Variants in TPO observed in about 807,000 individuals in gnomAD.
TPO encodes the protein thyroid microsomal antigen.
A neutral mutation model predicts 96.9 loss-of-function variants in TPO; 78 were observed. The ratio of observed to expected loss-of-function variants is 0.81; its 90% confidence interval spans 0.67 to 0.97. The LOEUF (loss-of-function observed/expected upper bound fraction) is 0.97. TPO is among the 50% of genes least tolerant of loss of function. The pLI, the probability that TPO is intolerant of heterozygous loss-of-function variation, is 0.00. For synonymous variants in TPO, 547 were observed against 538.0 expected (o/e 1.02, Z -0.23); for missense variants, 1,252 against 1,274.8 (o/e 0.98, Z 0.27).
intron 15 of TPO, among the ~76,000 whole-genome samples, chr2:1,526,903 T>C (rs1436815423): frequency 6.9e-6 from 1 of 144,152 alleles, no homozygotes; most frequent in African/African-American, 2.6e-5. Flanking sequence ...TCCCCCGGTG[T>C]GTGCAACCTC....
At chr2:1,519,506 A>C (rs1349109087) in intron 15 of TPO, among the ~76,000 whole-genome samples, 1 of 152,244 alleles carries the variant, frequency 6.6e-6, no homozygotes. Context: ...TTGGAAAGAG[A>C]GTACTTTAAC....
chr2:1,508,740 A>G lies in TPO; in HGVS notation c.2518+4661A>G, dbSNP rs1188904390. 5.3e-5 allele frequency among the ~76,000 whole-genome samples: 8 copies of G among 152,096 alleles called. No homozygotes were observed. The East Asian group carries it at 1.5e-3, about 29-fold the overall frequency. The stretch of plus-strand genomic sequence containing the variant: ...TGGGATCAGTGGTGATATCCCCTTT[A>G]TCATTTTTTGTTGCGTCTATTTGAT... On this transcript the variant is annotated intron_variant, in intron 14 of 16. Coordinates refer to ENST00000329066, the MANE Select transcript of TPO (RefSeq NM_001206744.2).
intron 15 of TPO, among the ~76,000 whole-genome samples, chr2:1,537,728 C>G: frequency 7.9e-6 from 1 of 126,542 alleles, no homozygotes; most frequent in East Asian, 2.6e-4. Flanking sequence ...TCCCCAAATC[C>G]CCCAACTGTC....
At chr2:1,536,910 T>TTTGCAAAC (rs1679806376) in intron 15 of TPO, among the ~76,000 whole-genome samples, 1 of 115,148 alleles carries the variant, frequency 8.7e-6, no homozygotes, top group Non-Finnish European at 1.7e-5. Context: ...ATCCCAACTG[T>TTTGCAAAC]TTGCAACCTC....
intron 1 of TPO, among the ~76,000 whole-genome samples, chr2:1,382,629 A>T (rs1424670974): frequency 2.0e-5 from 3 of 152,200 alleles, no homozygotes; most frequent in Non-Finnish European, 4.4e-5. Context: ...CCTGAAACTG[A>T]TGGAAAGAAC....
intron 15 of TPO, among the ~76,000 whole-genome samples, chr2:1,526,529 C>T (rs558592625): frequency 5.8e-5 from 8 of 137,238 alleles, no homozygotes; most frequent in Admixed American, 2.2e-4. Flanking sequence ...TCCCAGTGTT[C>T]GCAACCTCCT....
rs563004574 is a variant in TPO, at chr2:1,479,766, C to T, written c.1338+2162C>T. Among the ~76,000 whole-genome samples, 11 of 148,992 alleles carry T rather than the reference C, an allele frequency of 7.4e-5. 1 individual carries two copies. The South Asian group carries it at 2.4e-3, about 32-fold the overall frequency. On this transcript the variant is annotated intron_variant, in intron 8 of 16. Coordinates refer to ENST00000329066, the MANE Select transcript of TPO (RefSeq NM_001206744.2). ...CCTTGTCCTCCTCCTCGTCCTCCTC[C>T]TCCTCTTCTTCTTCTCCTTCTTCTT...
intron 7 of TPO, among the ~76,000 whole-genome samples, chr2:1,473,461 C>A (rs1042596543): frequency 6.6e-6 from 1 of 152,110 alleles, no homozygotes; most frequent in African/African-American, 2.4e-5. Flanking sequence ...TATAGTATAT[C>A]CTATTATCTG....
At chr2:1,457,887 G>A (rs556918165) in intron 7 of TPO, among the ~76,000 whole-genome samples, 9 of 151,796 alleles carry the variant, frequency 5.9e-5, no homozygotes, top group Admixed American at 3.9e-4. Context: ...GGGTGGGCAC[G>A]TGTGTATATG....
chr2:1,508,384 A>G (rs560474627), intron 14 of TPO, among the ~76,000 whole-genome samples: 49 of 152,260 alleles, frequency 3.2e-4, no homozygotes, highest in African/African-American at 1.1e-3. Context: ...TGGTATCAGG[A>G]TGATGCTGGC....
chr2:1,447,672 G>C (rs1666944298), intron 5 of TPO, among the ~76,000 whole-genome samples: 1 of 152,148 alleles, frequency 6.6e-6, no homozygotes, highest in Non-Finnish European at 1.5e-5. Flanking sequence ...ATTTGTATGT[G>C]TGTGTGTATA....
chr2:1,526,313 T>C (rs1465422647), intron 15 of TPO, among the ~76,000 whole-genome samples: 2 of 96,152 alleles, frequency 2.1e-5, no homozygotes, highest in Non-Finnish European at 3.9e-5. Flanking sequence ...TCCCCCACTG[T>C]GAGCAAAACC....
At chr2:1,378,666 C>T (rs1661758794) in intron 1 of TPO, among the ~76,000 whole-genome samples, 1 of 152,186 alleles carries the variant, frequency 6.6e-6, no homozygotes, top group African/African-American at 2.4e-5. Context: ...CCCTGGGAGG[C>T]CCTGTTCCTG....
chr2:1,380,529 A>T lies in TPO; in HGVS notation n.180+6127A>T, dbSNP rs542249821. 6.6e-5 allele frequency among the ~76,000 whole-genome samples: 10 copies of T among 152,310 alleles called. 2 individuals are homozygous for T. The South Asian group carries it at 1.9e-3, about 28-fold the overall frequency. ...ATTTGAAGCATTTGTTACTAACAGA[A>T]TGTCTCTCTTGATATGGAAACTCAT... On this transcript the variant is annotated intron_variant and non_coding_transcript_variant, in intron 1 of 5. Transcript: ENST00000497517.
chr2:1,433,597 GC>G lies in TPO; in HGVS notation c.340del (p.His114IlefsTer11). The G allele has an allele frequency of 1.2e-6, 2 of 1,613,760 alleles. No individual in the cohort carries two copies. Among genetic ancestry groups the G allele is most frequent in the Non-Finnish European group, 1.7e-6 (2 of 1,179,846 alleles). ...KVNLKTQQSQ[H>X]PTDALSEDLL... ...TCAACCTGAAAACTCAACAATCACA[GC>G]ATCCAACGGGTAATGTGTGCCCCTC... On this transcript the variant is annotated frameshift_variant, in exon 4 of 17. Coordinates refer to ENST00000329066, the MANE Select transcript of TPO (RefSeq NM_001206744.2). LOFTEE classifies it high-confidence loss of function.
At chr2:1,536,814 A>T (rs866040728) in intron 15 of TPO, among the ~76,000 whole-genome samples, 9 of 61,038 alleles carry the variant, frequency 1.5e-4, no homozygotes, top group African/African-American at 3.3e-4. Flanking sequence ...ACCTCCCCAA[A>T]TCCCCCCCAC....
At chr2:1,421,944 T>C (rs1573107529) in intron 2 of TPO, among the ~76,000 whole-genome samples, 1 of 152,218 alleles carries the variant, frequency 6.6e-6, no homozygotes, top group African/African-American at 2.4e-5. Context: ...CTGACGGCTG[T>C]GCTGGGGGTC....
chr2:1,433,472 C>T lies in TPO; in HGVS notation c.214C>T (p.Gln72Ter), dbSNP rs200273438. 3 of 1,614,110 alleles carry T rather than the reference C, an allele frequency of 1.9e-6. No homozygotes were observed. Among genetic ancestry groups the T allele is most frequent in the African/African-American group, 1.3e-5 (1 of 74,936 alleles). The change falls in exon 4 of 17, where the codon CAG becomes TAG. Residue 72 changes from glutamine to a stop codon, truncating the protein, a stop_gained. Transcript: ENST00000329066. LOFTEE classifies it high-confidence loss of function. ...GAAAAGAGGAATCCTTTCTCCAGCT[C>T]AGCTTCTGTCTTTTTCCAAACTTCC... is the stretch of plus-strand genomic sequence containing the variant. ...LKKRGILSPA[Q>*]LLSFSKLPEP... is the part of the protein sequence containing the mutation.
chr2:1,388,411 G>A (rs1033014706), intron 1 of TPO, among the ~76,000 whole-genome samples: 1 of 152,176 alleles, frequency 6.6e-6, no homozygotes, highest in Non-Finnish European at 1.5e-5. Flanking sequence ...CAGCAATGGC[G>A]GGTGCCCCTC....
Sources: gnomAD v4.1 joint callset for allele counts (sites outside exome capture counted in the v4.1 genomes callset) on GRCh38, gnomAD v4.1.1 for gene constraint, MANE v1.5 for transcripts, NCBI Gene and HGNC (gene_info 2026-07-23, HGNC 2026-07-21) for gene names.